Variants in SRGAP2C observed in about 807,000 individuals in gnomAD.
SRGAP2C encodes the protein SLIT-ROBO Rho GTPase-activating protein 2C.
A neutral mutation model predicts 25.1 loss-of-function variants in SRGAP2C; 15 were observed. That is an observed-to-expected ratio of 0.60 (90% CI 0.40 to 0.92). The LOEUF is 0.92. Among genes scored for constraint, SRGAP2C ranks in the 40% least tolerant of loss-of-function variants. The probability of loss-of-function intolerance (pLI) is 0.00; values close to 1 mark genes in which losing one functional copy is unlikely to be tolerated. For missense variants in SRGAP2C, 144 were observed against 264.4 expected, an observed-to-expected ratio of 0.54 and a Z score of 3.16; for synonymous variants, 44 against 96.6, an observed-to-expected ratio of 0.46 and a Z score of 3.19.
rs1211026484 is a variant in SRGAP2C at position 121,261,094 on chromosome 1, A to ATTTTTTTTTTT, written c.68-23690_68-23680dup. On this transcript the variant is annotated intron_variant, in intron 2 of 9. Coordinates refer to ENST00000367123, the MANE Select transcript of SRGAP2C (RefSeq NM_001329984.2). ...CAGACATGCACCACCACACCTGGCT[A>ATTTTTTTTTTT]TTTTTTTTTTTTTTTTTTTTTTTTT... Among the ~76,000 whole-genome samples, 35 of 26,264 alleles carry ATTTTTTTTTTT rather than the reference A, an allele frequency of 1.3e-3. 2 individuals are homozygous for ATTTTTTTTTTT. The highest frequency in any genetic ancestry group is 3.4e-3 in the African/African-American group (22 of 6,550). The allele number at this position is 26,264 out of a possible 152,430, so 17.2% of individuals were successfully genotyped here. A position where few individuals can be genotyped will look rare whatever the true frequency, so the allele number is the denominator to read the frequency against.
At chr1:121,362,738 T>G (rs1214593692) in intron 4 of SRGAP2C, 2 of 148,934 alleles carry the variant, frequency 1.3e-5, no homozygotes, top group Non-Finnish European at 3.0e-5. Context: ...GTGAGTCATG[T>G]TGCCTCACTT....
chr1:121,211,051 C>G (rs1553323543), intron 2 of SRGAP2C, among the ~76,000 whole-genome samples: 1 of 140,110 alleles, frequency 7.1e-6, no homozygotes, highest in Non-Finnish European at 1.5e-5. Flanking sequence ...CGGACATAAT[C>G]TCTGCAGTTC....
intron 2 of SRGAP2C, among the ~76,000 whole-genome samples, chr1:121,282,588 T>C (rs1326636582): frequency 6.6e-6 from 1 of 151,938 alleles, no homozygotes; most frequent in Non-Finnish European, 1.5e-5. Context: ...GGAGTCTCGC[T>C]CTGTCGCCCA....
chr1:121,285,092 G>A (rs1243440278), intron 3 of SRGAP2C, 97 bp downstream of exon 3: 6 of 495,050 alleles, frequency 1.2e-5, no homozygotes, highest in Non-Finnish European at 2.1e-5. Flanking sequence ...CTGAATTCAG[G>A]AGCCCCTGGC....
At chr1:121,359,840 A>G (rs1219794212) in intron 4 of SRGAP2C, among the ~76,000 whole-genome samples, 9 of 152,286 alleles carry the variant, frequency 5.9e-5, no homozygotes, top group Non-Finnish European at 1.3e-4. Context: ...TGGACAGCAC[A>G]TAAGTAGAGG....
At position 121,262,980 on chromosome 1, in the gene SRGAP2C, C is replaced by A. The variant is rs587633357; in HGVS notation, c.68-21823C>A. 3.3e-5 allele frequency among the ~76,000 whole-genome samples: 5 copies of A among 151,562 alleles called. No homozygotes were observed. In the South Asian group the frequency reaches 1.0e-3, roughly 32 times the overall value. ...ATCAAGTTGACATAATACACACCTG[C>A]CCAGGGAACCTGGAGACCTGTAAAA... On this transcript the variant is annotated intron_variant, in intron 2 of 9. Transcript: ENST00000367123.
At chr1:121,323,634 A>G (rs1336745420) in intron 3 of SRGAP2C, among the ~76,000 whole-genome samples, 1 of 138,102 alleles carries the variant, frequency 7.2e-6, no homozygotes, top group Non-Finnish European at 1.5e-5. Flanking sequence ...AAAAAAAAAA[A>G]AAAAAGGGAA....
chr1:121,296,102 G>A (rs1342613199), intron 3 of SRGAP2C, among the ~76,000 whole-genome samples: 2 of 146,582 alleles, frequency 1.4e-5, no homozygotes, highest in African/African-American at 5.1e-5. Flanking sequence ...AGAAAGAATT[G>A]TTTTTGAAGG....
chr1:121,391,246 T>G lies in SRGAP2C; in HGVS notation c.*3391T>G, dbSNP rs1660072796. On this transcript the variant is annotated 3_prime_UTR_variant, in exon 10 of 10. Coordinates refer to ENST00000367123, the MANE Select transcript of SRGAP2C (RefSeq NM_001329984.2). ...CGTGGTGGCGCATGCCTCATTCACG[T>G]ACATGGGAGAGTCTACAAAGTCACA... 1 of 151,622 alleles carries G rather than the reference T, an allele frequency of 6.6e-6. No homozygotes were observed. 9.4% of individuals were successfully genotyped at this position (151,622 alleles called of 1,614,324 possible).
rs1474538450 is a variant in SRGAP2C, at chr1:121,325,778, AT to A, written c.423+1146del. ...TCACTAGATCTGGAATTAATACCCC[AT>A]TTTTTTTCTGTAATTACCAGCCTGA... On this transcript the variant is annotated intron_variant, in intron 4 of 9. Coordinates refer to ENST00000367123, the MANE Select transcript of SRGAP2C (RefSeq NM_001329984.2). 4.7e-5 allele frequency among the ~76,000 whole-genome samples: 3 copies of A among 63,364 alleles called. 1 individual carries two copies. Among genetic ancestry groups the A allele is most frequent in the African/African-American group, 1.6e-4 (2 of 12,622 alleles). The allele number at this position is 63,364 out of a possible 152,430, so 41.6% of individuals were successfully genotyped here.
intron 4 of SRGAP2C, among the ~76,000 whole-genome samples, chr1:121,339,199 T>TG (rs1217709013): frequency 6.6e-6 from 1 of 151,116 alleles, no homozygotes; most frequent in Non-Finnish European, 1.5e-5. Context: ...GTCTGTAGTC[T>TG]GGCTGTCCCA....
chr1:121,358,769 ATTTT>A (rs1161491118), intron 4 of SRGAP2C, among the ~76,000 whole-genome samples: 41 of 70,632 alleles, frequency 5.8e-4, no homozygotes, highest in African/African-American at 2.0e-3. Context: ...TTGAAATCAG[ATTTT>A]TTTTTTTTTT....
chr1:121,275,744 A>G (rs1553336059), intron 2 of SRGAP2C, among the ~76,000 whole-genome samples: 1 of 146,604 alleles, frequency 6.8e-6, no homozygotes, highest in African/African-American at 2.5e-5. Context: ...GGAAACTTGT[A>G]GGGCCATTTT....
intron 2 of SRGAP2C, among the ~76,000 whole-genome samples, chr1:121,218,742 G>C (rs1255457084): frequency 1.3e-5 from 2 of 151,948 alleles, no homozygotes; most frequent in African/African-American, 4.8e-5. Flanking sequence ...GTGAGACCCT[G>C]TCTCAGAGGG....
At chr1:121,255,233 G>T in intron 2 of SRGAP2C, among the ~76,000 whole-genome samples, 1 of 150,616 alleles carries the variant, frequency 6.6e-6, no homozygotes, top group Non-Finnish European at 1.5e-5. Context: ...GACCCTCAGA[G>T]TTAAGGCTTC....
At chr1:121,267,285 G>T (rs1248821081) in intron 2 of SRGAP2C, among the ~76,000 whole-genome samples, 1 of 150,204 alleles carries the variant, frequency 6.7e-6, no homozygotes, top group Non-Finnish European at 1.5e-5. Flanking sequence ...TCTTTGCCTT[G>T]TGGGCTCAAG....
At chr1:121,191,690 A>T (rs1654681915) in intron 2 of SRGAP2C, among the ~76,000 whole-genome samples, 1 of 152,094 alleles carries the variant, frequency 6.6e-6, no homozygotes, top group African/African-American at 2.4e-5. Context: ...CATGACTGTA[A>T]TGACTGTATA....
chr1:121,279,510 C>A lies in SRGAP2C; in HGVS notation c.68-5293C>A, dbSNP rs1316447405. Among the ~76,000 whole-genome samples the A allele has an allele frequency of 7.6e-4, 115 of 151,422 alleles. 1 individual carries two copies. Among genetic ancestry groups the A allele is most frequent in the African/African-American group, 2.6e-3 (107 of 41,316 alleles). On this transcript the variant is annotated intron_variant, in intron 2 of 9. Coordinates refer to ENST00000367123, the MANE Select transcript of SRGAP2C (RefSeq NM_001329984.2). ...TGATTGTCAGTGTGGCAGGGCCCTG[C>A]CTGTTTTTGTTAAATGATCAGTATC...
rs1233389051 is a variant in SRGAP2C, at chr1:121,184,988, G to T, written c.-679G>T. On this transcript the variant is annotated 5_prime_UTR_variant, in exon 1 of 10. Transcript: ENST00000367123. ...CTACTTCCCGGCGGGGTCCTGCGGA[G>T]TTGGCGGAGGCGGCGGAGGCTCCTC... The T allele has an allele frequency of 3.9e-5, 20 of 514,238 alleles. 1 individual carries two copies. The highest frequency in any genetic ancestry group is 8.2e-5 in the African/African-American group (4 of 48,498). The allele number at this position is 514,238 out of a possible 1,614,324, so 31.9% of individuals were successfully genotyped here.
Sources: allele counts gnomAD v4.1 joint callset (sites outside exome capture counted in the v4.1 genomes callset), GRCh38; gene constraint gnomAD v4.1.1; transcripts MANE v1.5; gene names NCBI Gene and HGNC (gene_info 2026-07-23, HGNC 2026-07-21).